TXLNB: variants seen among roughly 807,000 people sequenced by gnomAD.
The protein encoded by TXLNB is beta-taxilin.
Under a neutral mutation model 57.4 loss-of-function variants are expected in TXLNB, and 37 were observed. That is an observed-to-expected ratio of 0.64 (90% CI 0.50 to 0.85). The LOEUF (loss-of-function observed/expected upper bound fraction) is 0.85. TXLNB is among the 40% of genes least tolerant of loss of function. The pLI is 0.00. For synonymous variants in TXLNB, 302 were observed against 309.6 expected (o/e 0.98, Z 0.26); for missense variants, 848 against 825.6 (o/e 1.03, Z -0.33).
chr6:139,291,398 C>T (rs1021561369), intron 1 of TXLNB, among the ~76,000 whole-genome samples: 4 of 152,166 alleles, frequency 2.6e-5, no homozygotes, highest in East Asian at 1.9e-4. Flanking sequence ...AGTTTTACTT[C>T]GGTTAGTCTA....
At position 139,243,134 on chromosome 6, in the gene TXLNB, A is replaced by C; in HGVS notation, c.1447T>G (p.Ser483Ala). The change falls in exon 10 of 10, where the codon TCT becomes GCT. Residue 483 changes from serine to alanine, a missense_variant. Coordinates refer to ENST00000358430, the MANE Select transcript of TXLNB (RefSeq NM_153235.4). The part of the protein sequence containing the change: ...NSDEEPESNV[S>A]VDQEIDAEEV... ...TCTGCGTCAATCTCTTGATCCACAGAGACGTTTGACTCTGGCTCTTCATCG... is the reference window on the plus strand; with the variant it reads ...TCTGCGTCAATCTCTTGATCCACAGCGACGTTTGACTCTGGCTCTTCATCG... 6.2e-7 allele frequency: 1 copy of C among 1,614,112 alleles called. No homozygotes were observed. The highest frequency in any genetic ancestry group is 8.5e-7 in the Non-Finnish European group (1 of 1,180,026).
the TXLNB span, among the ~76,000 whole-genome samples, chr6:139,209,721 G>A: frequency 6.6e-6 from 1 of 152,060 alleles, no homozygotes; most frequent in Non-Finnish European, 1.5e-5. Flanking sequence ...TCAACTCAGG[G>A]TGGATCAAAG....
the TXLNB span, among the ~76,000 whole-genome samples, chr6:139,302,655 A>C: frequency 6.6e-6 from 1 of 151,616 alleles, no homozygotes. Flanking sequence ...GGGCACCTGA[A>C]TGGCGCCTGA....
chr6:139,323,519 G>A, the TXLNB span, among the ~76,000 whole-genome samples: 1 of 152,212 alleles, frequency 6.6e-6, no homozygotes, highest in Admixed American at 6.5e-5. Context: ...TCCTGACCTC[G>A]TGATCCGCCC....
At chr6:139,181,555 C>G in the TXLNB span, among the ~76,000 whole-genome samples, 1 of 152,066 alleles carries the variant, frequency 6.6e-6, no homozygotes, top group Non-Finnish European at 1.5e-5. Flanking sequence ...CAAAAGTGAC[C>G]CCAAAGTGCA....
the TXLNB span, among the ~76,000 whole-genome samples, chr6:139,176,227 G>A: frequency 1.6e-4 from 25 of 152,284 alleles, no homozygotes; most frequent in African/African-American, 5.8e-4. The surrounding 1 kb of genome is among the most constrained non-coding windows in gnomAD (Gnocchi z 4.5). Flanking sequence ...TTGGCATGGT[G>A]CTTTATCACA....
At chr6:139,209,199 A>G in the TXLNB span, among the ~76,000 whole-genome samples, 2 of 152,186 alleles carry the variant, frequency 1.3e-5, no homozygotes, top group Non-Finnish European at 2.9e-5. Flanking sequence ...AATAGCTGTA[A>G]AAGACAAACA....
At chr6:139,255,316 T>C in intron 7 of TXLNB, 1 of 527,522 alleles carries the variant, frequency 1.9e-6, no homozygotes, top group Non-Finnish European at 3.6e-6. Flanking sequence ...TGTACTGTCA[T>C]CCATTGTCTG....
chr6:139,174,560 G>A, the TXLNB span: 2 of 1,607,772 alleles, frequency 1.2e-6, no homozygotes, highest in Non-Finnish European at 1.7e-6. Context: ...AACACACTGA[G>A]GGAGCAGTGG....
At chr6:139,274,873 T>C (rs572493996) in intron 3 of TXLNB, among the ~76,000 whole-genome samples, 1 of 152,258 alleles carries the variant, frequency 6.6e-6, no homozygotes, top group South Asian at 2.1e-4. Context: ...CAGAAAATAC[T>C]AAAAAGAGCA....
chr6:139,302,660 G>A, the TXLNB span, among the ~76,000 whole-genome samples: 122 of 151,246 alleles, frequency 8.1e-4, no homozygotes, highest in Non-Finnish European at 1.0e-3. Context: ...CCTGAATGGC[G>A]CCTGAATAGC....
chr6:139,175,218 T>G, the TXLNB span, among the ~76,000 whole-genome samples: 9 of 152,312 alleles, frequency 5.9e-5, no homozygotes, highest in South Asian at 1.0e-3. Context: ...CTTGGAAATA[T>G]CTTGCTTTAT....
intron 4 of TXLNB, among the ~76,000 whole-genome samples, chr6:139,265,596 A>G (rs1776596549): frequency 6.6e-6 from 1 of 152,226 alleles, no homozygotes; most frequent in Admixed American, 6.5e-5. Flanking sequence ...AGATTTAGGT[A>G]CACTTAAGGT....
At chr6:139,302,535 G>A in the TXLNB span, among the ~76,000 whole-genome samples, 8 of 151,370 alleles carry the variant, frequency 5.3e-5, no homozygotes, top group East Asian at 3.9e-4. Flanking sequence ...AGGCTGAGGC[G>A]GGTGGATTGC....
intron 7 of TXLNB, among the ~76,000 whole-genome samples, chr6:139,252,380 G>T (rs1433302233): frequency 2.6e-5 from 4 of 152,216 alleles, no homozygotes; most frequent in Non-Finnish European, 5.9e-5. Context: ...GAAATATAAT[G>T]TTGATACTTT....
chr6:139,211,350 G>A, the TXLNB span, among the ~76,000 whole-genome samples: 3 of 152,318 alleles, frequency 2.0e-5, no homozygotes, highest in South Asian at 6.2e-4. Context: ...AGCCCCCGCT[G>A]CTGATACCCA....
intron 8 of TXLNB, among the ~76,000 whole-genome samples, chr6:139,247,261 C>G (rs1184168721): frequency 2.6e-5 from 4 of 152,016 alleles, no homozygotes; most frequent in African/African-American, 9.7e-5. Flanking sequence ...CCTGCCTCAC[C>G]CTCCTGAGTA....
At chr6:139,265,319 G>T (rs1776588270) in intron 4 of TXLNB, among the ~76,000 whole-genome samples, 2 of 152,126 alleles carry the variant, frequency 1.3e-5, no homozygotes, top group Non-Finnish European at 2.9e-5. Flanking sequence ...AGCATAGTTT[G>T]AGGCTCAGAT....
the TXLNB span, among the ~76,000 whole-genome samples, chr6:139,212,167 A>C: frequency 6.6e-6 from 1 of 152,208 alleles, no homozygotes; most frequent in Non-Finnish European, 1.5e-5. Flanking sequence ...ACTCCAAGAC[A>C]CATAATTGTC....
Sources: allele counts gnomAD v4.1 joint callset (sites outside exome capture counted in the v4.1 genomes callset), GRCh38; gene constraint gnomAD v4.1.1; non-coding constraint Gnocchi (gnomAD v3.1); transcripts MANE v1.5; gene names NCBI Gene and HGNC (gene_info 2026-07-23, HGNC 2026-07-21).